FGF12: variants seen among roughly 807,000 people sequenced by gnomAD.
FGF12 encodes fibroblast growth factor 12, also known as fibroblast growth factor 12B.
In FGF12, 14 loss-of-function variants were observed where a neutral mutation model predicts 23.6. That is an observed-to-expected ratio of 0.59 (90% CI 0.39 to 0.93). The LOEUF is 0.93. Ranked by LOEUF, FGF12 falls within the 40% of genes least tolerant of loss-of-function variation. The pLI, the probability that FGF12 is intolerant of heterozygous loss-of-function variation, is 0.00. For missense variants in FGF12, 175 were observed against 217.8 expected (o/e 0.80, Z 1.24); for synonymous variants, 62 against 77.3 (o/e 0.80, Z 1.04).
intron 4 of FGF12, among the ~76,000 whole-genome samples, chr3:192,280,119 AAG>A (rs796397058): frequency 3.9e-5 from 6 of 152,292 alleles, no homozygotes; most frequent in African/African-American, 1.4e-4. Flanking sequence ...TGTTTTTTTA[AAG>A]AGAGTGTGAT....
At chr3:192,331,018 A>C (rs1169619319) in intron 4 of FGF12, among the ~76,000 whole-genome samples, 1 of 152,066 alleles carries the variant, frequency 6.6e-6, no homozygotes, top group Admixed American at 6.6e-5. Flanking sequence ...AACAACAACA[A>C]CACAAAACAA....
chr3:192,718,685 A>G (rs1718940535), intron 2 of FGF12, among the ~76,000 whole-genome samples: 3 of 152,178 alleles, frequency 2.0e-5, no homozygotes, highest in Admixed American at 6.5e-5. Context: ...TGTGGTCACA[A>G]TCATGCCATA....
intron 2 of FGF12, among the ~76,000 whole-genome samples, chr3:192,503,183 T>G (rs969794449): frequency 2.6e-5 from 4 of 152,226 alleles, no homozygotes; most frequent in African/African-American, 9.6e-5. Flanking sequence ...AAATCGGCAG[T>G]CTACTCAATG....
intron 4 of FGF12, among the ~76,000 whole-genome samples, chr3:192,243,734 AG>A (rs1450937101): frequency 6.6e-6 from 1 of 152,060 alleles, no homozygotes; most frequent in African/African-American, 2.4e-5. Context: ...TATGTTGTTG[AG>A]TCTGTCAAAC....
chr3:192,472,419 G>A (rs376496834), intron 2 of FGF12, among the ~76,000 whole-genome samples: 1 of 152,054 alleles, frequency 6.6e-6, no homozygotes, highest in African/African-American at 2.4e-5. Context: ...TCAGATACTT[G>A]GAATGAAACT....
rs762691841 is a variant in FGF12 at position 192,360,695 on chromosome 3, CT to C, written c.14-158del. 2,353 of 528,222 alleles carry C rather than the reference CT, an allele frequency of 4.5e-3. 1 individual carries two copies. Among genetic ancestry groups the C allele is most frequent in the South Asian group, 7.9e-3 (326 of 41,402 alleles). 32.7% of individuals were successfully genotyped at this position (528,222 alleles called of 1,614,324 possible). On this transcript the variant is annotated intron_variant, in intron 2 of 5. Coordinates refer to ENST00000445105, the MANE Select transcript of FGF12 (RefSeq NM_004113.6). This position sits in a 1 kb window ranked among gnomAD's most constrained non-coding sequence, Gnocchi z 4.3. The stretch of plus-strand genomic sequence containing the variant: ...TGGGTGTTTCAGTAACATATCTATG[CT>C]TTTTTTTTTCCATTTAGAGGTAGAG...
chr3:192,692,831 T>C (rs1233544018), intron 2 of FGF12, among the ~76,000 whole-genome samples: 1 of 152,114 alleles, frequency 6.6e-6, no homozygotes, highest in Non-Finnish European at 1.5e-5. Flanking sequence ...CAACATATTA[T>C]AAGCCATTTA....
chr3:192,195,485 T>A lies in FGF12; in HGVS notation c.229-24829A>T, dbSNP rs370726377. 5.3e-5 allele frequency among the ~76,000 whole-genome samples: 8 copies of A among 152,204 alleles called. No individual in the cohort carries two copies. In the East Asian group the frequency reaches 1.2e-3, roughly 22 times the overall value. On this transcript the variant is annotated intron_variant, in intron 4 of 5. Coordinates refer to ENST00000445105, the MANE Select transcript of FGF12 (RefSeq NM_004113.6). ...GTTTAGATACAAAAACACTTACCGT[T>A]ATTTACAATTGCCTACATTATTCCA... is the stretch of plus-strand genomic sequence containing the variant.
chr3:192,325,170 T>C (rs1716751915), intron 4 of FGF12, among the ~76,000 whole-genome samples: 1 of 152,158 alleles, frequency 6.6e-6, no homozygotes, highest in Admixed American at 6.5e-5. Flanking sequence ...GTTGACAGAA[T>C]TCCATATTTT....
intron 2 of FGF12, among the ~76,000 whole-genome samples, chr3:192,389,125 C>T (rs543681166): frequency 5.3e-5 from 8 of 152,256 alleles, no homozygotes; most frequent in East Asian, 1.9e-4. Context: ...TTTGGGAGGC[C>T]GAGGCAGGCG....
chr3:192,592,536 C>T (rs184592580), intron 2 of FGF12, among the ~76,000 whole-genome samples: 7 of 151,848 alleles, frequency 4.6e-5, no homozygotes, highest in Middle Eastern at 3.4e-3. Context: ...GTTCACCATG[C>T]GGGATGCATA....
chr3:192,502,825 C>G (rs926087956), intron 2 of FGF12, among the ~76,000 whole-genome samples: 1 of 152,196 alleles, frequency 6.6e-6, no homozygotes, highest in African/African-American at 2.4e-5. Context: ...CATATCTAGG[C>G]TAGAAGTTAA....
At chr3:192,656,314 CACACACAGAG>C (rs5855444) in intron 2 of FGF12, among the ~76,000 whole-genome samples, 38,452 of 124,772 alleles carry the variant, frequency 0.31, 6,125 homozygotes, top group Non-Finnish European at 0.41. Flanking sequence ...CACACACACA[CACACACAGAG>C]AGAGAATTAT....
chr3:192,457,280 A>C (rs980756990), intron 2 of FGF12, among the ~76,000 whole-genome samples: 1 of 152,194 alleles, frequency 6.6e-6, no homozygotes, highest in East Asian at 1.9e-4. Flanking sequence ...AAGATACCCA[A>C]AATGTGGAAG....
intron 4 of FGF12, among the ~76,000 whole-genome samples, chr3:192,189,497 T>C (rs1716665858): frequency 6.6e-6 from 1 of 152,186 alleles, no homozygotes; most frequent in Non-Finnish European, 1.5e-5. Context: ...GTTGAAGCCC[T>C]ATCCTCCCGG....
intron 4 of FGF12, among the ~76,000 whole-genome samples, chr3:192,279,192 T>A (rs1455336760): frequency 1.3e-5 from 2 of 149,280 alleles, no homozygotes; most frequent in Non-Finnish European, 3.0e-5. Context: ...GTTTGTATAC[T>A]GATTTTACCT....
At chr3:192,248,314 T>C (rs892389837) in intron 4 of FGF12, among the ~76,000 whole-genome samples, 5 of 152,256 alleles carry the variant, frequency 3.3e-5, no homozygotes, top group Admixed American at 1.3e-4. Flanking sequence ...GATGTATAGA[T>C]GTGGCCCAAT....
rs146858412 is a variant in FGF12 at position 192,361,562 on chromosome 3, G to A, written c.14-1024C>T. Among the ~76,000 whole-genome samples the A allele has an allele frequency of 4.9e-3, 745 of 152,254 alleles. 3 individuals are homozygous for A. The highest frequency in any genetic ancestry group is 0.017 in the African/African-American group (709 of 41,546). On this transcript the variant is annotated intron_variant, in intron 2 of 5. Coordinates refer to ENST00000445105, the MANE Select transcript of FGF12 (RefSeq NM_004113.6). The stretch of plus-strand genomic sequence containing the variant: ...ACATGGTATCCTCAGAAGGACAATC[G>A]CTGAATTTAAGCTAGTCAACTTCAT...
intron 2 of FGF12, among the ~76,000 whole-genome samples, chr3:192,722,727 A>C (rs1277802843): frequency 6.6e-6 from 1 of 152,194 alleles, no homozygotes; most frequent in African/African-American, 2.4e-5. Context: ...CTACTATGCA[A>C]ACTTAAATAT....
Sources: gnomAD v4.1 joint callset for allele counts (sites outside exome capture counted in the v4.1 genomes callset) on GRCh38, gnomAD v4.1.1 for gene constraint, Gnocchi (gnomAD v3.1) non-coding constraint, MANE v1.5 for transcripts, NCBI Gene and HGNC (gene_info 2026-07-23, HGNC 2026-07-21) for gene names.